NPAS4: variants seen among roughly 807,000 people sequenced by gnomAD.
The protein encoded by NPAS4 is neuronal PAS domain protein 4.
NPAS4 carries 10 observed loss-of-function variants against 64.0 expected under a neutral mutation model. The observed-to-expected ratio is 0.16, with a 90% confidence interval of 0.10 to 0.26. The LOEUF (loss-of-function observed/expected upper bound fraction) is 0.26. NPAS4 is among the 10% of genes least tolerant of loss of function. NPAS4 has a pLI of 1.00. For missense variants in NPAS4, 886 were observed against 992.6 expected (o/e 0.89, Z 1.44); for synonymous variants, 441 against 411.7 (o/e 1.07, Z -0.86).
chr11:66,423,327 G>A, intron 5 of NPAS4, 95 bp downstream of exon 5: 1 of 933,630 alleles, frequency 1.1e-6, no homozygotes, highest in Non-Finnish European at 1.7e-6. Context: ...GTGATGCTGG[G>A]GAGATAACAG....
At chr11:66,413,507 C>CT in the NPAS4 span, among the ~76,000 whole-genome samples, 5 of 152,248 alleles carry the variant, frequency 3.3e-5, no homozygotes, top group African/African-American at 1.2e-4. Flanking sequence ...CAAGGCTAGG[C>CT]TTGGACCCAT....
the NPAS4 span, among the ~76,000 whole-genome samples, chr11:66,412,335 C>T: frequency 1.3e-5 from 2 of 152,162 alleles, no homozygotes; most frequent in African/African-American, 2.4e-5. Context: ...TGCTGGGGCC[C>T]GAGCCAGAGC....
rs142062439 is a variant in NPAS4, at chr11:66,425,109, C to T, written c.2219C>T (p.Pro740Leu). 1 of 1,604,404 alleles carries T rather than the reference C, an allele frequency of 6.2e-7. No homozygotes were observed. The highest frequency in any genetic ancestry group is 1.3e-5 in the African/African-American group (1 of 74,346). Residue 740 changes from proline (P) to leucine (L), a missense_variant, in exon 7 of 8, where the codon CCA (proline) becomes CTA (leucine). Physicochemically the swap from Pro to Leu is moderately conservative, Grantham distance 98. Around this residue, in one of 3 missense-constraint regions of NPAS4, gnomAD observed 820 missense variants for 855.5 expected, o/e 0.96. Transcript: ENST00000311034. The part of the protein sequence containing the change: ...DPEAEGPGGA[P>L]SPCNNLSPED... ...GAGGCAGAGGGCCCAGGAGGGGCCC[C>T]ATCGCCTTGCAACAACCTGTCCCCA... is the stretch of plus-strand genomic sequence containing the variant.
intron 5 of NPAS4, 63 bp downstream of exon 5, chr11:66,423,295 A>G: frequency 8.9e-7 from 1 of 1,123,096 alleles, no homozygotes. Flanking sequence ...GAGACCAGAC[A>G]AAGAATGATC....
Position 66,425,162 on chromosome 11 carries a change from G to T in NPAS4, c.2272G>T (p.Ala758Ser), listed in dbSNP as rs1361556073. The change falls in exon 7 of 8, where the codon GCC becomes TCC. Residue 758 changes from alanine (A) to serine (S), a missense_variant. By Grantham distance (99) the Ala-to-Ser change is moderately conservative. Transcript: ENST00000311034. ...AGACCACAGCTTCCTGGAGGACCTGGCCACATATGAAACCGCCTTTGAGAC... is the reference window on the plus strand; with the variant it reads ...AGACCACAGCTTCCTGGAGGACCTGTCCACATATGAAACCGCCTTTGAGAC... ...PEDHSFLEDL[A>S]TYETAFETGV... 6.2e-7 allele frequency: 1 copy of T among 1,601,042 alleles called. No individual in the cohort carries two copies. Among genetic ancestry groups the T allele is most frequent in the Non-Finnish European group, 8.5e-7 (1 of 1,175,876 alleles).
chr11:66,425,110 A>G lies in NPAS4; in HGVS notation c.2220A>G (p.Pro740=). Residue 740 remains proline (P), a synonymous_variant, in exon 7 of 8, where the codon CCA becomes CCG. Transcript: ENST00000311034. ...AGGCAGAGGGCCCAGGAGGGGCCCC[A>G]TCGCCTTGCAACAACCTGTCCCCAG... The part of the protein sequence containing the change: ...DPEAEGPGGA[P]SPCNNLSPED... 6.2e-7 allele frequency: 1 copy of G among 1,604,876 alleles called. No homozygotes were observed. The highest frequency in any genetic ancestry group is 1.1e-5 in the South Asian group (1 of 89,654).
upstream of NPAS4, among the ~76,000 whole-genome samples, chr11:66,418,200 G>T (rs766419044): frequency 2.6e-5 from 4 of 152,170 alleles, no homozygotes; most frequent in South Asian, 2.1e-4. Flanking sequence ...CAGCCAGCAG[G>T]CTCTGATGCC....
the NPAS4 span, among the ~76,000 whole-genome samples, chr11:66,415,127 A>G: frequency 6.6e-6 from 1 of 152,178 alleles, no homozygotes; most frequent in Admixed American, 6.5e-5. Context: ...CTAGGGTCGG[A>G]ATAGGGATGG....
At chr11:66,420,161 T>G (rs1856719505), upstream of NPAS4, among the ~76,000 whole-genome samples, 1 of 152,218 alleles carries the variant, frequency 6.6e-6, no homozygotes, top group Admixed American at 6.5e-5. Flanking sequence ...AAGGGATGCC[T>G]AAGTGCAGAC....
In NPAS4 at chr11:66,421,149, C is replaced by A; in HGVS notation, c.-31C>A. Reference sequence around the variant, plus strand: ...CGGGACGGGAGCGCAGGTGCTCGGGCACCCGAGCTGGAGCTCCGCAGCCGC... The same window carrying A: ...CGGGACGGGAGCGCAGGTGCTCGGGAACCCGAGCTGGAGCTCCGCAGCCGC... On this transcript the variant is annotated 5_prime_UTR_variant, in exon 1 of 8. Transcript: ENST00000311034. 1.3e-6 allele frequency: 2 copies of A among 1,562,010 alleles called. No individual in the cohort carries two copies. Among genetic ancestry groups the A allele is most frequent in the Non-Finnish European group, 1.7e-6 (2 of 1,152,000 alleles).
the NPAS4 span, chr11:66,411,063 T>C: frequency 3.3e-5 from 5 of 152,472 alleles, no homozygotes; most frequent in African/African-American, 1.2e-4. Context: ...TCAGTCCCAG[T>C]ACTTACTCCC....
At position 66,424,163 on chromosome 11, in the gene NPAS4, C is replaced by T; in HGVS notation, c.1273C>T (p.Pro425Ser). Residue 425 changes from proline (P) to serine (S), a missense_variant, in exon 7 of 8, where the codon CCT becomes TCT. Around this residue, in one of 3 missense-constraint regions of NPAS4, gnomAD observed 820 missense variants for 855.5 expected, o/e 0.96. Coordinates refer to ENST00000311034, the MANE Select transcript of NPAS4 (RefSeq NM_178864.4). Reference sequence around the variant, plus strand: ...AAGCAAGGATCTTGTGTGCACTCCACCTTACACGCCCCATCAGCCAGGAGG... The same window carrying T: ...AAGCAAGGATCTTGTGTGCACTCCATCTTACACGCCCCATCAGCCAGGAGG... ...ELSKDLVCTP[P>S]YTPHQPGGCA... The T allele has an allele frequency of 6.2e-7, 1 of 1,614,084 alleles. No individual in the cohort carries two copies.
At chr11:66,418,431 C>T (rs1856694020), upstream of NPAS4, among the ~76,000 whole-genome samples, 1 of 152,146 alleles carries the variant, frequency 6.6e-6, no homozygotes, top group Non-Finnish European at 1.5e-5. Context: ...CCTGAAGCTG[C>T]TGCCAAGCTA....
chr11:66,420,707 C>T (rs1007350821), upstream of NPAS4, among the ~76,000 whole-genome samples: 2 of 152,224 alleles, frequency 1.3e-5, no homozygotes, highest in African/African-American at 4.8e-5. Context: ...GGCCCTGTCG[C>T]TTCCCTCAAC....
At chr11:66,420,146 G>C (rs1044085734), upstream of NPAS4, among the ~76,000 whole-genome samples, 2 of 152,248 alleles carry the variant, frequency 1.3e-5, no homozygotes, top group Admixed American at 6.5e-5. Context: ...GCCGGCAACG[G>C]GGGGAAGGGA....
chr11:66,410,203 C>T, the NPAS4 span: 1 of 152,310 alleles, frequency 6.6e-6, no homozygotes, highest in Non-Finnish European at 1.5e-5. Flanking sequence ...TGAGAAGTGC[C>T]TGACCATTCT....
chr11:66,410,485 C>T, the NPAS4 span: 1 of 152,450 alleles, frequency 6.6e-6, no homozygotes, highest in African/African-American at 2.4e-5. Context: ...CTCAGGCGGC[C>T]CTCAGACACA....
upstream of NPAS4, among the ~76,000 whole-genome samples, chr11:66,419,634 G>A (rs939042370): frequency 3.3e-5 from 5 of 151,714 alleles, no homozygotes; most frequent in Non-Finnish European, 7.4e-5. Context: ...GGATAAGAAC[G>A]GCACATCCTC....
At position 66,421,135 on chromosome 11, in the gene NPAS4, C is replaced by T. The variant is rs770641302; in HGVS notation, c.-45C>T. On this transcript the variant is annotated 5_prime_UTR_variant, in exon 1 of 8. Coordinates refer to ENST00000311034, the MANE Select transcript of NPAS4 (RefSeq NM_178864.4). The stretch of plus-strand genomic sequence containing the variant: ...AGCCGCCGGTGCGTCGGGACGGGAG[C>T]GCAGGTGCTCGGGCACCCGAGCTGG... 1 of 1,534,514 alleles carries T rather than the reference C, an allele frequency of 6.5e-7. No individual in the cohort carries two copies. Among genetic ancestry groups the T allele is most frequent in the African/African-American group, 1.4e-5 (1 of 72,760 alleles).
Sources: allele counts gnomAD v4.1 joint callset (sites outside exome capture counted in the v4.1 genomes callset), GRCh38; gene constraint gnomAD v4.1.1; regional missense constraint gnomAD v4.1.1; transcripts MANE v1.5; gene names NCBI Gene and HGNC (gene_info 2026-07-23, HGNC 2026-07-21).